The following SNX25 variants were observed in gnomAD, a reference collection of about 807,000 sequenced individuals.
The protein encoded by SNX25 is sorting nexin-25.
Under a neutral mutation model 113.7 loss-of-function variants are expected in SNX25, and 62 were observed. That is an observed-to-expected ratio of 0.55 (90% CI 0.44 to 0.67). SNX25 has a LOEUF of 0.67. Ranked by LOEUF, SNX25 falls within the 30% of genes least tolerant of loss-of-function variation. The pLI is 0.00. For synonymous variants in SNX25, 421 were observed against 436.2 expected (o/e 0.97, Z 0.43); for missense variants, 1,014 against 1,161.0 (o/e 0.87, Z 1.84).
chr4:185,348,951 T>C (rs2095301878), intron 13 of SNX25, among the ~76,000 whole-genome samples: 1 of 152,114 alleles, frequency 6.6e-6, no homozygotes, highest in Non-Finnish European at 1.5e-5. Context: ...AGTGGGATCA[T>C]GCAGTATTTG....
At chr4:185,371,520 C>T (rs992018419), downstream of SNX25, among the ~76,000 whole-genome samples, 6 of 121,708 alleles carry the variant, frequency 4.9e-5, no homozygotes, top group Admixed American at 3.3e-4. Context: ...CCAGCCTGGG[C>T]AACAGAGCGA....
chr4:185,303,658 C>CAAAAA (rs34378168), intron 6 of SNX25, among the ~76,000 whole-genome samples: 6 of 50,828 alleles, frequency 1.2e-4, no homozygotes, highest in African/African-American at 2.0e-4. Flanking sequence ...GACTCTGTCT[C>CAAAAA]AAAAAAAAAA....
At chr4:185,241,717 A>G (rs1744084205) in intron 1 of SNX25, among the ~76,000 whole-genome samples, 1 of 152,128 alleles carries the variant, frequency 6.6e-6, no homozygotes, top group Admixed American at 6.5e-5. Context: ...TTTCTGGACC[A>G]GGATACTGAA....
chr4:185,205,218 G>C (rs982278258), upstream of SNX25, among the ~76,000 whole-genome samples: 2 of 152,240 alleles, frequency 1.3e-5, no homozygotes, highest in African/African-American at 2.4e-5. Flanking sequence ...CACTTCGGGA[G>C]GCCGAGGCGG....
intron 6 of SNX25, among the ~76,000 whole-genome samples, chr4:185,305,129 G>A (rs2126652102): frequency 6.6e-6 from 1 of 152,272 alleles, no homozygotes; most frequent in South Asian, 2.1e-4. Context: ...TGTGACAATA[G>A]TCTGGAGACA....
At position 185,357,681 on chromosome 4, in the gene SNX25, G is replaced by A; in HGVS notation, c.2595G>A (p.Trp865Ter). Reference sequence around the variant, plus strand: ...TGGTTTCTGTTTCAGTGTTTAAATGGGTGAGAAGAACATTAATTGCCCTCG... The same window carrying A: ...TGGTTTCTGTTTCAGTGTTTAAATGAGTGAGAAGAACATTAATTGCCCTCG... ...EIFELRGMFK[W>*]VRRTLIALVQ... Residue 865 changes from tryptophan to a stop codon, truncating the protein, a stop_gained, in exon 16 of 19, where the codon TGG (tryptophan) becomes TGA (stop). Transcript: ENST00000652585. LOFTEE classifies it high-confidence loss of function. The A allele has an allele frequency of 6.2e-7, 1 of 1,613,998 alleles. No individual in the cohort carries two copies. Among genetic ancestry groups the A allele is most frequent in the Non-Finnish European group, 8.5e-7 (1 of 1,179,954 alleles).
chr4:185,293,443 A>T (rs1752443226), intron 6 of SNX25, among the ~76,000 whole-genome samples: 2 of 152,196 alleles, frequency 1.3e-5, no homozygotes, highest in South Asian at 4.1e-4. Flanking sequence ...ATTCAACAAT[A>T]AAAAGGAATA....
At chr4:185,342,683 A>G (rs572078279) in intron 12 of SNX25, among the ~76,000 whole-genome samples, 2 of 150,814 alleles carry the variant, frequency 1.3e-5, no homozygotes, top group African/African-American at 2.4e-5. Flanking sequence ...GGGAGGCATT[A>G]AGGCGCGGTG....
intron 1 of SNX25, among the ~76,000 whole-genome samples, chr4:185,223,529 C>T (rs1045032059): frequency 1.3e-5 from 2 of 152,114 alleles, no homozygotes; most frequent in East Asian, 3.9e-4. Context: ...TGGCCGGGGG[C>T]GGCGGCTCAC....
chr4:185,296,861 C>T (rs899646300), intron 6 of SNX25, among the ~76,000 whole-genome samples: 3 of 152,174 alleles, frequency 2.0e-5, no homozygotes, highest in African/African-American at 4.8e-5. Flanking sequence ...TAAAATTTAC[C>T]CACTGATTAC....
intron 5 of SNX25, among the ~76,000 whole-genome samples, chr4:185,269,502 A>C (rs1303896782): frequency 6.6e-6 from 1 of 152,166 alleles, no homozygotes; most frequent in Non-Finnish European, 1.5e-5. Context: ...TCTTTGACCA[A>C]ATAGTCGTTC....
intron 7 of SNX25, among the ~76,000 whole-genome samples, chr4:185,314,958 G>A (rs549079830): frequency 6.6e-6 from 1 of 151,810 alleles, no homozygotes; most frequent in African/African-American, 2.4e-5. Flanking sequence ...GCTGGGCGCG[G>A]TGGCTCACGC....
chr4:185,240,467 C>T (rs1344005284), intron 1 of SNX25, among the ~76,000 whole-genome samples: 11 of 149,840 alleles, frequency 7.3e-5, no homozygotes, highest in East Asian at 6.0e-4. Flanking sequence ...CCAGTAGGGG[C>T]GGCCGGGCAG....
intron 1 of SNX25, among the ~76,000 whole-genome samples, chr4:185,215,228 C>G (rs1490779632): frequency 7.0e-6 from 1 of 142,140 alleles, no homozygotes; most frequent in South Asian, 2.2e-4. Context: ...GACTCCGTCT[C>G]AAAAAAAAAA....
At chr4:185,330,360 A>C (rs1160675982) in intron 9 of SNX25, among the ~76,000 whole-genome samples, 2 of 152,102 alleles carry the variant, frequency 1.3e-5, no homozygotes, top group African/African-American at 4.8e-5. Context: ...TTCTGGTTGG[A>C]GATGGCATTT....
chr4:185,333,778 C>T (rs981207002), intron 10 of SNX25, among the ~76,000 whole-genome samples: 6 of 152,054 alleles, frequency 3.9e-5, no homozygotes, highest in African/African-American at 1.4e-4. Flanking sequence ...GCTGGCTGCA[C>T]AATGGCTCAT....
chr4:185,370,644 GA>G (rs2095411608), downstream of SNX25: 1 of 1,613,630 alleles, frequency 6.2e-7, no homozygotes, highest in Non-Finnish European at 8.5e-7. Flanking sequence ...GCTTACTTTA[GA>G]ATAATAGTGT....
chr4:185,287,144 G>A (rs1261891062), intron 5 of SNX25, among the ~76,000 whole-genome samples: 1 of 152,150 alleles, frequency 6.6e-6, no homozygotes, highest in African/African-American at 2.4e-5. Context: ...TAAGAATTTG[G>A]ATTTGTAAAG....
chr4:185,283,657 G>A (rs1750959142), intron 5 of SNX25, among the ~76,000 whole-genome samples: 1 of 152,180 alleles, frequency 6.6e-6, no homozygotes, highest in Admixed American at 6.5e-5. Context: ...AGCTTTAGAA[G>A]ACAGGCAGCC....
Sources: gnomAD v4.1 joint callset for allele counts (sites outside exome capture counted in the v4.1 genomes callset) on GRCh38, gnomAD v4.1.1 for gene constraint, MANE v1.5 for transcripts, NCBI Gene and HGNC (gene_info 2026-07-23, HGNC 2026-07-21) for gene names.